PHACTR4: variants seen among roughly 807,000 people sequenced by gnomAD.
The protein encoded by PHACTR4 is phosphatase and actin regulator 4.
A neutral mutation model predicts 72.7 loss-of-function variants in PHACTR4; 51 were observed. The ratio of observed to expected loss-of-function variants is 0.70; its 90% confidence interval spans 0.56 to 0.89. PHACTR4 has a LOEUF of 0.89. Among genes scored for constraint, PHACTR4 ranks in the 40% least tolerant of loss-of-function variants. The pLI, the probability that PHACTR4 is intolerant of heterozygous loss-of-function variation, is 0.00. For missense variants in PHACTR4, 731 were observed against 861.8 expected (o/e 0.85, Z 1.90); for synonymous variants, 255 against 302.5 (o/e 0.84, Z 1.63).
At chr1:28,482,547 A>T (rs1660344654) in intron 9 of PHACTR4, among the ~76,000 whole-genome samples, 1 of 152,208 alleles carries the variant, frequency 6.6e-6, no homozygotes, top group Non-Finnish European at 1.5e-5. Flanking sequence ...CAGTAAAGAG[A>T]GGATAAGGAG....
chr1:28,473,647 C>G lies in PHACTR4; in HGVS notation c.917C>G (p.Pro306Arg). The change falls in exon 7 of 14, where the codon CCC becomes CGC. Residue 306 changes from proline to arginine, a missense_variant. Pro to Arg is a moderately radical substitution (Grantham distance 103). Around this residue, in one of 2 missense-constraint regions of PHACTR4, gnomAD observed 621 missense variants for 676.6 expected, o/e 0.92. Transcript: ENST00000373839. ...PKRGIPSTSV[P>R]TLESAAAITT... is the part of the protein sequence containing the mutation. ...AGAGGCATTCCATCAACCTCAGTAC[C>G]CACCTTGGAGTCTGCTGCTGCCATC... 1 of 1,614,036 alleles carries G rather than the reference C, an allele frequency of 6.2e-7. No individual in the cohort carries two copies. The highest frequency in any genetic ancestry group is 8.5e-7 in the Non-Finnish European group (1 of 1,179,988).
At chr1:28,440,378 A>G (rs1656927491) in intron 2 of PHACTR4, among the ~76,000 whole-genome samples, 1 of 141,450 alleles carries the variant, frequency 7.1e-6, no homozygotes, top group Non-Finnish European at 1.5e-5. Context: ...AAAAGTAAGA[A>G]TCAAATTCAT....
chr1:28,383,920 CAT>C (rs1416260798), intron 1 of PHACTR4, among the ~76,000 whole-genome samples: 1 of 152,076 alleles, frequency 6.6e-6, no homozygotes, highest in African/African-American at 2.4e-5. Flanking sequence ...TTGAGATAAT[CAT>C]GTGGTTTTTG....
intron 6 of PHACTR4, among the ~76,000 whole-genome samples, chr1:28,470,014 G>A (rs1258024606): frequency 6.6e-6 from 1 of 151,074 alleles, no homozygotes; most frequent in East Asian, 1.9e-4. Context: ...AGCCAAAATT[G>A]CACCACTGTA....
chr1:28,409,862 G>C (rs1328213848), intron 2 of PHACTR4, among the ~76,000 whole-genome samples: 1 of 150,034 alleles, frequency 6.7e-6, no homozygotes, highest in Non-Finnish European at 1.5e-5. Flanking sequence ...GTAGTTTTTA[G>C]GATTATGCCT....
rs750237132 is a variant in PHACTR4, at chr1:28,473,586, T to C, written c.856T>C (p.Leu286=). ...ELSQAINSGT[L]LSKPSPPLPP... ...GTCCCAAGCAATAAACAGTGGTACA[T>C]TGTTATCAAAACCGTCCCCACCCTT... The change falls in exon 7 of 14, where the codon TTG becomes CTG. Residue 286 remains leucine (L), a synonymous_variant. Transcript: ENST00000373839. 1.9e-6 allele frequency: 3 copies of C among 1,613,042 alleles called. No individual in the cohort carries two copies. Among genetic ancestry groups the C allele is most frequent in the Non-Finnish European group, 2.5e-6 (3 of 1,179,210 alleles).
In PHACTR4 at chr1:28,496,962, C is replaced by T. The variant is rs1334583568; in HGVS notation, c.*413C>T. 2 of 207,936 alleles carry T rather than the reference C, an allele frequency of 9.6e-6. No homozygotes were observed. The allele number at this position is 207,936 out of a possible 1,614,324, so 12.9% of individuals were successfully genotyped here. Reference sequence around the variant, plus strand: ...ACCCAAATGTGTAGGCTCTAAATTCCAGCCATCAAATCCAATTCCTGGTGG... The same window carrying T: ...ACCCAAATGTGTAGGCTCTAAATTCTAGCCATCAAATCCAATTCCTGGTGG... On this transcript the variant is annotated 3_prime_UTR_variant, in exon 14 of 14. Coordinates refer to ENST00000373839, the MANE Select transcript of PHACTR4 (RefSeq NM_001048183.3).
At chr1:28,439,825 G>A (rs1656872522) in intron 2 of PHACTR4, among the ~76,000 whole-genome samples, 1 of 152,060 alleles carries the variant, frequency 6.6e-6, no homozygotes, top group South Asian at 2.1e-4. Flanking sequence ...TTCTCCTGTG[G>A]TTTCTACGCC....
In PHACTR4 at chr1:28,495,989, T is replaced by C. The variant is rs576177500; in HGVS notation, c.2094-545T>C. Among the ~76,000 whole-genome samples the C allele has an allele frequency of 4.7e-5, 7 of 149,314 alleles. No individual in the cohort carries two copies. In the East Asian group the frequency reaches 1.2e-3, roughly 26 times the overall value. ...AACCAGGACAGCATACTGAGAAAGA[T>C]CAATTGAAGAAGAGAGAAAATTATG... On this transcript the variant is annotated intron_variant, in intron 13 of 13. Transcript: ENST00000373839.
chr1:28,394,713 C>T (rs1343719825), intron 1 of PHACTR4, among the ~76,000 whole-genome samples: 2 of 151,730 alleles, frequency 1.3e-5, no homozygotes, highest in Admixed American at 6.6e-5. Context: ...TCTCCTGGCT[C>T]AGCCTCCCGA....
At chr1:28,426,927 A>G (rs1027647325) in intron 2 of PHACTR4, among the ~76,000 whole-genome samples, 1 of 152,172 alleles carries the variant, frequency 6.6e-6, no homozygotes, top group Non-Finnish European at 1.5e-5. Flanking sequence ...AAAGATGGAA[A>G]TGTTCTGTAT....
intron 6 of PHACTR4, among the ~76,000 whole-genome samples, chr1:28,472,426 T>C (rs912138037): frequency 4.6e-5 from 7 of 152,116 alleles, no homozygotes; most frequent in African/African-American, 1.7e-4. Context: ...AAAAAACACT[T>C]TGATTTCTTC....
intron 1 of PHACTR4, among the ~76,000 whole-genome samples, chr1:28,374,282 A>T (rs1009919395): frequency 3.9e-5 from 6 of 152,238 alleles, no homozygotes; most frequent in African/African-American, 1.4e-4. Context: ...GCTGAAACTA[A>T]CATTGAAGAC....
chr1:28,370,623 ACC>A (rs1651168896), intron 1 of PHACTR4, among the ~76,000 whole-genome samples: 3 of 151,118 alleles, frequency 2.0e-5, no homozygotes, highest in African/African-American at 4.9e-5. Flanking sequence ...AAAAAAAAAA[ACC>A]CTCCAGTGCT....
intron 1 of PHACTR4, among the ~76,000 whole-genome samples, chr1:28,391,415 A>AT (rs1553184116): frequency 6.6e-6 from 1 of 150,542 alleles, no homozygotes; most frequent in African/African-American, 2.4e-5. Context: ...TAAATAAATA[A>AT]AATAATAATA....
intron 7 of PHACTR4, among the ~76,000 whole-genome samples, chr1:28,474,733 GGGTTTCAACATGTTGGCCAGGCT>G (rs1482759555): frequency 1.3e-5 from 2 of 151,382 alleles, no homozygotes; most frequent in Admixed American, 1.3e-4. Flanking sequence ...AGTGGAGATG[GGGTTTCAACATGTTGGCCAGGCT>G]GGTCTCGAAC....
intron 2 of PHACTR4, among the ~76,000 whole-genome samples, chr1:28,437,601 G>A (rs1656713377): frequency 6.6e-6 from 1 of 152,192 alleles, no homozygotes; most frequent in Admixed American, 6.5e-5. Context: ...CTGGGTATCT[G>A]TGAGGGCCTT....
Position 28,436,378 on chromosome 1 carries a change from A to G in PHACTR4, c.17-22707A>G, listed in dbSNP as rs75890846. Among the ~76,000 whole-genome samples, 8 of 152,130 alleles carry G rather than the reference A, an allele frequency of 5.3e-5. No homozygotes were observed. The East Asian group carries it at 1.5e-3, about 29-fold the overall frequency. On this transcript the variant is annotated intron_variant, in intron 2 of 13. Transcript: ENST00000373839. The stretch of plus-strand genomic sequence containing the variant: ...CAGCCTCCTGAGTAACTGAGACTAC[A>G]GGTGCACGCCACTCCACCCAGTGGT...
chr1:28,436,867 A>G lies in PHACTR4; in HGVS notation c.17-22218A>G, dbSNP rs907010167. Among the ~76,000 whole-genome samples, 8 of 152,364 alleles carry G rather than the reference A, an allele frequency of 5.3e-5. 1 individual carries two copies. The highest frequency in any genetic ancestry group is 2.6e-4 in the Admixed American group (4 of 15,292). ...GCTGATCTTTCCATGTATTATGCCC[A>G]GCATGTAGGGCTACTCTTTGTAATT... On this transcript the variant is annotated intron_variant, in intron 2 of 13. Transcript: ENST00000373839.
Sources: allele counts gnomAD v4.1 joint callset (sites outside exome capture counted in the v4.1 genomes callset), GRCh38; gene constraint gnomAD v4.1.1; regional missense constraint gnomAD v4.1.1; transcripts MANE v1.5; gene names NCBI Gene and HGNC (gene_info 2026-07-23, HGNC 2026-07-21).